TDRD12: variants seen among roughly 807,000 people sequenced by gnomAD.
TDRD12 encodes tudor domain containing 12.
TDRD12 carries 158 observed loss-of-function variants against 133.5 expected under a neutral mutation model. The ratio of observed to expected loss-of-function variants is 1.18; its 90% CI spans 1.04 to 1.35. The LOEUF is 1.35. TDRD12 is among the 40% of genes most tolerant of loss of function. The pLI is 0.00. For missense variants in TDRD12, 1,443 were observed against 1,321.3 expected, an observed-to-expected ratio of 1.09 and a Z score of -1.43; for synonymous variants, 460 against 477.9, an observed-to-expected ratio of 0.96 and a Z score of 0.49.
At chr19:32,802,730 T>C in exon 20 of TDRD12, 1 of 1,536,556 alleles carries the variant, frequency 6.5e-7, no homozygotes, top group Non-Finnish European at 8.7e-7. Context: ...TTTCCCTGCC[T>C]CACCAAAAGT....
chr19:32,747,433 G>A (rs139972291), intron 4 of TDRD12, among the ~76,000 whole-genome samples: 1,649 of 152,286 alleles, frequency 0.011, 36 homozygotes, highest in African/African-American at 0.038. Context: ...ACTGGGCTAA[G>A]TGTTCTATGT....
chr19:32,803,102 A>T, exon 21 of TDRD12: 1 of 1,535,348 alleles, frequency 6.5e-7, no homozygotes, highest in African/African-American at 1.4e-5. Flanking sequence ...GAAAGCCGGA[A>T]GGCCTCTTTG....
chr19:32,720,007 G>T, exon 1 of TDRD12: 2 of 1,536,222 alleles, frequency 1.3e-6, no homozygotes, highest in South Asian at 1.2e-5. Context: ...GACGCAGCCA[G>T]CCTCACCCGC....
intron 10 of TDRD12, among the ~76,000 whole-genome samples, chr19:32,775,259 T>C (rs1970548651): frequency 6.6e-6 from 1 of 152,220 alleles, no homozygotes; most frequent in African/African-American, 2.4e-5. Context: ...TCTACTGATC[T>C]GTCTGTACAT....
intron 1 of TDRD12, among the ~76,000 whole-genome samples, 189 bp downstream of exon 1, chr19:32,720,285 A>T (rs1443806353): frequency 1.4e-5 from 1 of 70,320 alleles, no homozygotes; most frequent in Non-Finnish European, 2.7e-5. Context: ...CAGCCTCCAC[A>T]TCCCTCCACA....
At chr19:32,777,620 A>G (rs1292309216) in intron 11 of TDRD12, among the ~76,000 whole-genome samples, 1 of 151,322 alleles carries the variant, frequency 6.6e-6, no homozygotes, top group Non-Finnish European at 1.5e-5. Context: ...TTGATTTCAT[A>G]CTTGTGTAAT....
At chr19:32,790,915 C>G (rs1971050694) in intron 12 of TDRD12, 49 bp from the exon 13 acceptor site, 1 of 1,517,806 alleles carries the variant, frequency 6.6e-7, no homozygotes, top group African/African-American at 1.4e-5. Context: ...ATCTCCTGTG[C>G]TGACGCCTCA....
At chr19:32,776,283 C>T (rs558146505) in intron 10 of TDRD12, among the ~76,000 whole-genome samples, 1 of 152,272 alleles carries the variant, frequency 6.6e-6, no homozygotes, top group South Asian at 2.1e-4. Flanking sequence ...GGAGATTTTC[C>T]TCACGCAGTC....
chr19:32,781,996 C>T (rs1378956809), intron 11 of TDRD12, among the ~76,000 whole-genome samples: 1 of 151,078 alleles, frequency 6.6e-6, no homozygotes, highest in African/African-American at 2.4e-5. Flanking sequence ...ACTTAAAGTT[C>T]TGGGTTACAT....
chr19:32,787,255 G>T (rs941974739), intron 11 of TDRD12, among the ~76,000 whole-genome samples: 3 of 152,176 alleles, frequency 2.0e-5, no homozygotes, highest in African/African-American at 7.2e-5. Context: ...AGAGGCTGCA[G>T]AACAGCAAAT....
intron 6 of TDRD12, among the ~76,000 whole-genome samples, chr19:32,754,026 G>T (rs571831235): frequency 6.6e-5 from 10 of 151,858 alleles, no homozygotes; most frequent in Non-Finnish European, 1.2e-4. Flanking sequence ...TTTCTCTTTC[G>T]CACCTTCTTC....
chr19:32,747,531 A>G (rs934346519), intron 4 of TDRD12, among the ~76,000 whole-genome samples: 2 of 152,152 alleles, frequency 1.3e-5, no homozygotes, highest in African/African-American at 4.8e-5. Context: ...ATAGAACATC[A>G]TTCTGACCTG....
At chr19:32,823,141 C>T (rs1473496882), downstream of TDRD12, among the ~76,000 whole-genome samples, 4 of 152,084 alleles carry the variant, frequency 2.6e-5, no homozygotes, top group South Asian at 4.1e-4. Flanking sequence ...GATATGCATC[C>T]GAGACAGTGA....
rs111889032 is a variant in TDRD12, at chr19:32,789,703, G to A, written c.1122-828G>A. Among the ~76,000 whole-genome samples the A allele has an allele frequency of 1.8e-4, 27 of 152,208 alleles. 1 individual carries two copies. The highest frequency in any genetic ancestry group is 6.5e-4 in the African/African-American group (27 of 41,522). On this transcript the variant is annotated intron_variant, in intron 11 of 27. Coordinates refer to ENST00000444215, the Ensembl canonical transcript of TDRD12. ...GTTGGATCTTGTGGCTTTTGCATTT[G>A]AAAATCCATTTACAGGGCCGGGCGC...
At chr19:32,726,114 T>C (rs1968851033) in intron 1 of TDRD12, among the ~76,000 whole-genome samples, 1 of 151,812 alleles carries the variant, frequency 6.6e-6, no homozygotes, top group Non-Finnish European at 1.5e-5. Flanking sequence ...GGAGTCTTGC[T>C]CTGTCGCCCA....
At chr19:32,784,090 T>C (rs967557935) in intron 11 of TDRD12, among the ~76,000 whole-genome samples, 8 of 152,166 alleles carry the variant, frequency 5.3e-5, no homozygotes, top group African/African-American at 1.9e-4. Context: ...AGGGAATGCT[T>C]CCAGTTTTTG....
chr19:32,780,865 C>T (rs1970743382), intron 11 of TDRD12, among the ~76,000 whole-genome samples: 1 of 151,090 alleles, frequency 6.6e-6, no homozygotes, highest in Non-Finnish European at 1.5e-5. Context: ...TCAAGCAATC[C>T]TCCTGCCTCA....
At chr19:32,740,690 T>G (rs1969397503) in intron 3 of TDRD12, among the ~76,000 whole-genome samples, 1 of 152,156 alleles carries the variant, frequency 6.6e-6, no homozygotes, top group South Asian at 2.1e-4. Flanking sequence ...AGAAAGACAC[T>G]TCCAGGAGGT....
intron 6 of TDRD12, among the ~76,000 whole-genome samples, chr19:32,752,169 C>T (rs868318042): frequency 6.1e-5 from 9 of 148,032 alleles, no homozygotes; most frequent in African/African-American, 2.3e-4. Context: ...CCATCACACC[C>T]AGCCCCCTTC....
Sources: allele counts gnomAD v4.1 joint callset (sites outside exome capture counted in the v4.1 genomes callset), GRCh38; gene constraint gnomAD v4.1.1; transcripts MANE v1.5; gene names NCBI Gene and HGNC (gene_info 2026-07-23, HGNC 2026-07-21).